Variants in TEKT5 observed in about 807,000 individuals in gnomAD.
TEKT5 encodes tektin 5, also known as tektin-5.
TEKT5 carries 52 observed loss-of-function variants against 48.7 expected under a neutral mutation model. The ratio of observed to expected loss-of-function variants is 1.07; its 90% confidence interval spans 0.86 to 1.35. The LOEUF is 1.35. Among genes scored for constraint, TEKT5 ranks in the 40% most tolerant of loss-of-function variants. The pLI is 0.00. For missense variants in TEKT5, 831 were observed against 641.6 expected, an observed-to-expected ratio of 1.30 and a Z score of -3.19; for synonymous variants, 318 against 267.6, an observed-to-expected ratio of 1.19 and a Z score of -1.84.
intron 5 of TEKT5, among the ~76,000 whole-genome samples, chr16:10,671,072 C>A (rs1159867200): frequency 6.6e-6 from 1 of 152,078 alleles, no homozygotes; most frequent in Non-Finnish European, 1.5e-5. Flanking sequence ...TTCAAAAGAT[C>A]CTTTCTCTCT....
intron 5 of TEKT5, among the ~76,000 whole-genome samples, chr16:10,646,729 G>C (rs954182158): frequency 6.6e-5 from 10 of 152,224 alleles, no homozygotes; most frequent in Admixed American, 5.9e-4. Context: ...AAGACGAGAA[G>C]CTGGGTTATG....
At chr16:10,638,670 G>A (rs766387404) in intron 5 of TEKT5, among the ~76,000 whole-genome samples, 2 of 152,220 alleles carry the variant, frequency 1.3e-5, no homozygotes, top group Non-Finnish European at 2.9e-5. Context: ...AGATGCACCT[G>A]CTGTTCCATA....
chr16:10,693,552 G>T (rs759577136), intron 1 of TEKT5, among the ~76,000 whole-genome samples: 4 of 152,226 alleles, frequency 2.6e-5, no homozygotes, highest in Non-Finnish European at 4.4e-5. Context: ...ACATACAGGT[G>T]CCCTGCACTG....
intron 5 of TEKT5, among the ~76,000 whole-genome samples, chr16:10,662,834 A>G (rs868052431): frequency 6.6e-6 from 1 of 152,300 alleles, no homozygotes; most frequent in Middle Eastern, 3.4e-3. Flanking sequence ...CCTCATCTGT[A>G]AAACAGGTCT....
intron 5 of TEKT5, among the ~76,000 whole-genome samples, chr16:10,674,245 C>T (rs1161210818): frequency 1.3e-5 from 2 of 150,966 alleles, no homozygotes; most frequent in Admixed American, 6.6e-5. Context: ...ACGTCCCCTG[C>T]TTCTCTGCTC....
chr16:10,634,402 G>A (rs188667236), intron 6 of TEKT5, among the ~76,000 whole-genome samples: 1 of 152,130 alleles, frequency 6.6e-6, no homozygotes, highest in Non-Finnish European at 1.5e-5. Flanking sequence ...AAGAAGTACT[G>A]CTATGAAACC....
chr16:10,655,109 C>A (rs887677956), intron 5 of TEKT5, among the ~76,000 whole-genome samples: 1 of 152,024 alleles, frequency 6.6e-6, no homozygotes, highest in African/African-American at 2.4e-5. Flanking sequence ...GGAGAAAAAA[C>A]TGCCTTTCCT....
At chr16:10,635,732 T>C in intron 6 of TEKT5, 32 bp downstream of exon 6, 1 of 1,595,494 alleles carries the variant, frequency 6.3e-7, no homozygotes, top group Non-Finnish European at 8.6e-7. Context: ...TTCCCAGGGG[T>C]TCTCCTGCCT....
chr16:10,690,278 C>G (rs1289711733), intron 1 of TEKT5, among the ~76,000 whole-genome samples: 1 of 152,174 alleles, frequency 6.6e-6, no homozygotes. Flanking sequence ...AAAGTAGCAT[C>G]CCAAGAACCA....
intron 1 of TEKT5, chr16:10,690,677 C>A (rs558358719): frequency 1.0e-5 from 10 of 985,320 alleles, no homozygotes; most frequent in Non-Finnish European, 1.2e-5. Flanking sequence ...ACAACCCTGC[C>A]ACCTAGCCCT....
At chr16:10,693,616 T>A (rs1433118628) in intron 1 of TEKT5, among the ~76,000 whole-genome samples, 1 of 152,200 alleles carries the variant, frequency 6.6e-6, no homozygotes, top group Non-Finnish European at 1.5e-5. Flanking sequence ...TCTACCTTGA[T>A]GGAGACTATA....
At chr16:10,657,501 C>T (rs572494816) in intron 5 of TEKT5, among the ~76,000 whole-genome samples, 1 of 152,018 alleles carries the variant, frequency 6.6e-6, no homozygotes, top group Non-Finnish European at 1.5e-5. Flanking sequence ...AGGAGTGAAT[C>T]CAGTGCTATA....
intron 5 of TEKT5, among the ~76,000 whole-genome samples, chr16:10,637,428 A>G (rs1897931398): frequency 6.6e-6 from 1 of 150,624 alleles, no homozygotes. Flanking sequence ...AGAATGCAAG[A>G]AGGGAGGGAG....
At chr16:10,691,902 C>T (rs1284028786) in intron 1 of TEKT5, among the ~76,000 whole-genome samples, 24 of 148,726 alleles carry the variant, frequency 1.6e-4, no homozygotes, top group Admixed American at 1.4e-3. Context: ...GAGCCGAGAT[C>T]GCACCACTGC....
intron 5 of TEKT5, among the ~76,000 whole-genome samples, chr16:10,663,586 G>T (rs753986600): frequency 1.3e-5 from 2 of 152,120 alleles, no homozygotes; most frequent in African/African-American, 2.4e-5. Flanking sequence ...GGAGCGCTCC[G>T]GAGGGACCCG....
chr16:10,664,549 G>A (rs945179171), intron 5 of TEKT5, among the ~76,000 whole-genome samples: 1 of 152,228 alleles, frequency 6.6e-6, no homozygotes, highest in African/African-American at 2.4e-5. Context: ...CACCTGGGGA[G>A]TTTTAAAAAG....
At chr16:10,631,609 G>C (rs1458661125) in intron 6 of TEKT5, among the ~76,000 whole-genome samples, 1 of 152,138 alleles carries the variant, frequency 6.6e-6, no homozygotes, top group Admixed American at 6.6e-5. Flanking sequence ...AGGATCTTAA[G>C]ATGAGATCAT....
At chr16:10,693,529 C>T (rs192165897) in intron 1 of TEKT5, among the ~76,000 whole-genome samples, 6 of 152,368 alleles carry the variant, frequency 3.9e-5, no homozygotes, top group Admixed American at 2.0e-4. Context: ...TTGGTCACTA[C>T]GGACCCACAC....
chr16:10,653,802 A>G lies in TEKT5; in HGVS notation c.1087-17884T>C, dbSNP rs560372870. Among the ~76,000 whole-genome samples, 6 of 152,240 alleles carry G rather than the reference A, an allele frequency of 3.9e-5. 1 individual carries two copies. In the South Asian group the frequency reaches 1.2e-3, roughly 32 times the overall value. On this transcript the variant is annotated intron_variant, in intron 5 of 6. Transcript: ENST00000283025. ...GTGGCAGGAGCCTGTAATCTCAGCTATTTGGGAGGCTGAGGCAGGAGAGTC... is the reference window on the plus strand; with the variant it reads ...GTGGCAGGAGCCTGTAATCTCAGCTGTTTGGGAGGCTGAGGCAGGAGAGTC...
Sources: gnomAD v4.1 joint callset for allele counts (sites outside exome capture counted in the v4.1 genomes callset) on GRCh38, gnomAD v4.1.1 for gene constraint, MANE v1.5 for transcripts, NCBI Gene and HGNC (gene_info 2026-07-23, HGNC 2026-07-21) for gene names.